Variants in CRTC1 observed in about 807,000 individuals in gnomAD.
CRTC1 encodes CREB regulated transcription coactivator 1, also known as CREB-regulated transcription coactivator 1.
Under a neutral mutation model 66.1 loss-of-function variants are expected in CRTC1, and 18 were observed. The ratio of observed to expected loss-of-function variants is 0.27; its 90% CI spans 0.19 to 0.40. The LOEUF is 0.40. Among genes scored for constraint, CRTC1 ranks in the 10% least tolerant of loss-of-function variants. The probability of loss-of-function intolerance (pLI) is 1.00; values close to 1 mark genes in which losing one functional copy is unlikely to be tolerated. For missense variants in CRTC1, 669 were observed against 887.9 expected, an observed-to-expected ratio of 0.75 and a Z score of 3.13; for synonymous variants, 416 against 398.8, an observed-to-expected ratio of 1.04 and a Z score of -0.51.
chr19:18,711,660 G>A (rs773963547), intron 1 of CRTC1, among the ~76,000 whole-genome samples: 65 of 152,306 alleles, frequency 4.3e-4, no homozygotes, highest in Admixed American at 9.2e-4. Context: ...TGGGTGGGGC[G>A]GCCGTGCTGG....
chr19:18,776,855 A>G (rs923328343), intron 13 of CRTC1, among the ~76,000 whole-genome samples: 1 of 152,130 alleles, frequency 6.6e-6, no homozygotes, highest in Admixed American at 6.5e-5. Flanking sequence ...GGAGCCGGGG[A>G]GGTCCCTGCC....
chr19:18,750,043 C>T (rs1416913473), intron 5 of CRTC1, among the ~76,000 whole-genome samples, 168 bp downstream of exon 5: 2 of 152,140 alleles, frequency 1.3e-5, no homozygotes, highest in Admixed American at 6.5e-5. Flanking sequence ...GGTGGTGCTA[C>T]TTAAGTTGGA....
At chr19:18,766,937 C>T (rs1309434146) in intron 9 of CRTC1, among the ~76,000 whole-genome samples, 1 of 152,060 alleles carries the variant, frequency 6.6e-6, no homozygotes, top group Admixed American at 6.6e-5. Flanking sequence ...TAAAATTAGG[C>T]GGGTGTAATG....
chr19:18,712,122 T>C (rs1017668668), intron 1 of CRTC1, among the ~76,000 whole-genome samples: 2 of 152,070 alleles, frequency 1.3e-5, no homozygotes, highest in Non-Finnish European at 2.9e-5. Context: ...TAAAATTTTT[T>C]TGTGGAGATG....
intron 1 of CRTC1, among the ~76,000 whole-genome samples, chr19:18,703,979 C>T (rs1480241331): frequency 6.6e-6 from 1 of 152,214 alleles, no homozygotes; most frequent in African/African-American, 2.4e-5. Flanking sequence ...CATCCGTGAC[C>T]TTCACTCTCT....
At position 18,741,823 on chromosome 19, in the gene CRTC1, C is replaced by T. The variant is rs556158025; in HGVS notation, c.127-1087C>T. On this transcript the variant is annotated intron_variant, in intron 1 of 13. Transcript: ENST00000321949. This position sits in a 1 kb window ranked among gnomAD's most constrained non-coding sequence, Gnocchi z 4.2. ...TGTTTACCTGGGCGAGGTGCTCAGCCGGGCAGGTGGCCAGTTCCCGGGCTT... is the reference window on the plus strand; with the variant it reads ...TGTTTACCTGGGCGAGGTGCTCAGCTGGGCAGGTGGCCAGTTCCCGGGCTT... 6.6e-5 allele frequency among the ~76,000 whole-genome samples: 10 copies of T among 152,308 alleles called. No individual in the cohort carries two copies. The highest frequency in any genetic ancestry group is 4.1e-4 in the South Asian group (2 of 4,824).
chr19:18,728,344 A>G (rs992011439), intron 1 of CRTC1, among the ~76,000 whole-genome samples: 10 of 152,156 alleles, frequency 6.6e-5, no homozygotes, highest in Admixed American at 1.3e-4. Flanking sequence ...TTCAGCTTCA[A>G]TCGCTGCCCA....
chr19:18,709,467 C>A (rs2053340327), intron 1 of CRTC1, among the ~76,000 whole-genome samples: 1 of 152,094 alleles, frequency 6.6e-6, no homozygotes, highest in Admixed American at 6.5e-5. Context: ...GCCTCCAGGC[C>A]CAAAATGGGG....
rs776968272 is a variant in CRTC1, at chr19:18,779,405, G to A, written c.*2023G>A. ...GGGGGGACACTGTTGGTCTGTCCAGGTCAAGGTCCCTTTCTCTTACCATGA... is the reference window on the plus strand; with the variant it reads ...GGGGGGACACTGTTGGTCTGTCCAGATCAAGGTCCCTTTCTCTTACCATGA... On this transcript the variant is annotated 3_prime_UTR_variant, in exon 14 of 14. Coordinates refer to ENST00000321949, the MANE Select transcript of CRTC1 (RefSeq NM_015321.3). The A allele has an allele frequency of 4.4e-6, 1 of 225,570 alleles. No individual in the cohort carries two copies. The highest frequency in any genetic ancestry group is 8.8e-6 in the Non-Finnish European group (1 of 113,278). The allele number at this position is 225,570 out of a possible 1,614,324, so 14.0% of individuals were successfully genotyped here.
chr19:18,746,283 T>A (rs1451105314), intron 3 of CRTC1, among the ~76,000 whole-genome samples: 2 of 152,188 alleles, frequency 1.3e-5, no homozygotes, highest in South Asian at 4.1e-4. Context: ...AGGAAGGCCG[T>A]GAGCAGGGAG....
rs928279997 is a variant in CRTC1, at chr19:18,768,865, A to G, written c.1320+72A>G. The G allele has an allele frequency of 4.7e-6, 7 of 1,495,250 alleles. No individual in the cohort carries two copies. The Admixed American group carries it at 6.9e-5, about 15-fold the overall frequency. 92.6% of individuals were successfully genotyped at this position (1,495,250 alleles called of 1,614,324 possible). ...GAGGACAGCCCGGGGGCTGCAGAAC[A>G]GTCGGGTTACCTGCTGCATGGGCCA... On this transcript the variant is annotated intron_variant, in intron 10 of 13. Transcript: ENST00000321949. This position sits in a 1 kb window ranked among gnomAD's most constrained non-coding sequence, Gnocchi z 5.6.
intron 1 of CRTC1, among the ~76,000 whole-genome samples, chr19:18,734,962 G>A (rs1295268789): frequency 1.3e-5 from 2 of 152,290 alleles, no homozygotes; most frequent in African/African-American, 2.4e-5. Context: ...AGAATGAATC[G>A]GTCAGGGGAT....
At chr19:18,745,188 G>T (rs1294173884) in intron 2 of CRTC1, among the ~76,000 whole-genome samples, 1 of 152,228 alleles carries the variant, frequency 6.6e-6, no homozygotes, top group Non-Finnish European at 1.5e-5. Context: ...CAGCCAAGCA[G>T]TGGGCCATGG....
intron 1 of CRTC1, among the ~76,000 whole-genome samples, chr19:18,742,554 TG>T (rs1017934200): frequency 1.4e-4 from 21 of 152,196 alleles, no homozygotes; most frequent in Admixed American, 6.5e-5. Context: ...ATGGCTCCCC[TG>T]GGCTGGTGAG....
At position 18,780,632 on chromosome 19, in the gene CRTC1, C is replaced by T. The variant is rs903365710; in HGVS notation, c.*3250C>T. On this transcript the variant is annotated 3_prime_UTR_variant, in exon 14 of 14. Coordinates refer to ENST00000321949, the MANE Select transcript of CRTC1 (RefSeq NM_015321.3). ...TTGGGGGCTGTGAGCTGGGACCTCG[C>T]CTGAGCCCGGTCAGGTGGGACAGGA... 3.1e-5 allele frequency: 7 copies of T among 227,966 alleles called. No homozygotes were observed. The highest frequency in any genetic ancestry group is 1.6e-4 in the African/African-American group (7 of 45,094). The allele number at this position is 227,966 out of a possible 1,614,324, so 14.1% of individuals were successfully genotyped here. A position where few individuals can be genotyped will look rare whatever the true frequency, so the allele number is the denominator to read the frequency against.
chr19:18,726,071 G>C (rs187990139), intron 1 of CRTC1, among the ~76,000 whole-genome samples: 1 of 152,260 alleles, frequency 6.6e-6, no homozygotes, highest in Non-Finnish European at 1.5e-5. Flanking sequence ...CCTGGAACAG[G>C]CTCCAGCTCC....
At position 18,749,872 on chromosome 19, in the gene CRTC1, A is replaced by G. The variant is rs749820215; in HGVS notation, c.535A>G (p.Arg179Gly). The change falls in exon 5 of 14, where the codon AGA becomes GGA. Residue 179 changes from arginine (R) to glycine (G), a missense_variant. Physicochemically the swap from Arg to Gly is moderately radical, Grantham distance 125. Transcript: ENST00000321949. ...SSGSQDVHQK[R>G]VLLLTVPGME... Reference sequence around the variant, plus strand: ...TGGGTCCCAGGACGTGCACCAGAAAAGAGGTATGGACAGGGGACTCGGGTG... The same window carrying G: ...TGGGTCCCAGGACGTGCACCAGAAAGGAGGTATGGACAGGGGACTCGGGTG... 6.2e-7 allele frequency: 1 copy of G among 1,613,494 alleles called. No homozygotes were observed. Among genetic ancestry groups the G allele is most frequent in the South Asian group, 1.1e-5 (1 of 91,070 alleles).
intron 4 of CRTC1, among the ~76,000 whole-genome samples, chr19:18,749,558 C>T (rs1291583372): frequency 1.3e-5 from 2 of 152,256 alleles, no homozygotes; most frequent in African/African-American, 4.8e-5. Context: ...CGCCACCTCG[C>T]GCGGCTGCTT....
In CRTC1 at chr19:18,721,821, C is replaced by T. The variant is rs949692168; in HGVS notation, c.127-21089C>T. Reference sequence around the variant, plus strand: ...GACCTGCAAAGACTCTCTCCAAATACAGTCACATTCATAGATGGCGGGGTT... The same window carrying T: ...GACCTGCAAAGACTCTCTCCAAATATAGTCACATTCATAGATGGCGGGGTT... On this transcript the variant is annotated intron_variant, in intron 1 of 13. Transcript: ENST00000321949. Among the ~76,000 whole-genome samples the T allele has an allele frequency of 3.9e-5, 6 of 152,198 alleles. No homozygotes were observed. In the East Asian group the frequency reaches 1.2e-3, roughly 29 times the overall value.
Sources: allele counts gnomAD v4.1 joint callset (sites outside exome capture counted in the v4.1 genomes callset), GRCh38; gene constraint gnomAD v4.1.1; non-coding constraint Gnocchi (gnomAD v3.1); transcripts MANE v1.5; gene names NCBI Gene and HGNC (gene_info 2026-07-23, HGNC 2026-07-21).